Variants in PDE7B observed in about 807,000 individuals in gnomAD.
The protein encoded by PDE7B is phosphodiesterase 7B.
A neutral mutation model predicts 56.2 loss-of-function variants in PDE7B; 29 were observed. That is an observed-to-expected ratio of 0.52 (90% confidence interval 0.38 to 0.70). The LOEUF (loss-of-function observed/expected upper bound fraction) is 0.70, where lower values mean the gene tolerates loss of function less well. Ranked by LOEUF, PDE7B falls within the 30% of genes least tolerant of loss-of-function variation. PDE7B has a pLI of 0.00. For missense variants in PDE7B, 490 were observed against 565.0 expected, an observed-to-expected ratio of 0.87 and a Z score of 1.35; for synonymous variants, 197 against 196.9, an observed-to-expected ratio of 1.00 and a Z score of 0.00.
chr6:136,111,868 C>T (rs1434812849), intron 3 of PDE7B, among the ~76,000 whole-genome samples: 1 of 152,112 alleles, frequency 6.6e-6, no homozygotes, highest in African/African-American at 2.4e-5. Flanking sequence ...GGGCACAGAC[C>T]CCAAACTTCA....
intron 1 of PDE7B, among the ~76,000 whole-genome samples, chr6:135,890,495 T>C (rs1343799343): frequency 6.6e-6 from 1 of 152,210 alleles, no homozygotes; most frequent in Non-Finnish European, 1.5e-5. Flanking sequence ...ATAAGGAATA[T>C]GTGCACAGCT....
chr6:135,867,046 C>T (rs1463830952), intron 1 of PDE7B, among the ~76,000 whole-genome samples: 2 of 152,098 alleles, frequency 1.3e-5, no homozygotes, highest in African/African-American at 2.4e-5. Flanking sequence ...CTTTCGAGCA[C>T]AGGTGAACTT....
At chr6:136,120,975 A>G (rs922255882) in intron 3 of PDE7B, among the ~76,000 whole-genome samples, 3 of 152,210 alleles carry the variant, frequency 2.0e-5, no homozygotes, top group Non-Finnish European at 4.4e-5. Context: ...CTGAAAAACA[A>G]GAAAAATTAT....
intron 2 of PDE7B, among the ~76,000 whole-genome samples, chr6:136,041,504 G>T (rs1240412074): frequency 6.6e-6 from 1 of 152,200 alleles, no homozygotes; most frequent in Admixed American, 6.5e-5. Flanking sequence ...ATGCTCTGCC[G>T]ACTGTTGGGT....
In PDE7B at chr6:136,029,305, A is replaced by G. The variant is rs184162202; in HGVS notation, c.83-79426A>G. 2.7e-3 allele frequency among the ~76,000 whole-genome samples: 417 copies of G among 152,332 alleles called. 2 individuals carry two copies. The highest frequency in any genetic ancestry group is 9.3e-3 in the African/African-American group (388 of 41,572). ...CAAAGTTTGAAAGCAGGAAAAAAAA[A>G]GTAATAACAGCATTTAAAAGGCATT... On this transcript the variant is annotated intron_variant, in intron 2 of 12. Coordinates refer to ENST00000308191, the MANE Select transcript of PDE7B (RefSeq NM_018945.4).
At chr6:136,151,568 C>A (rs915148140) in intron 6 of PDE7B, among the ~76,000 whole-genome samples, 1 of 152,098 alleles carries the variant, frequency 6.6e-6, no homozygotes, top group Non-Finnish European at 1.5e-5. Context: ...TGACTGGAAG[C>A]CTTACCAATA....
In PDE7B at chr6:135,934,951, T is replaced by TAA. The variant is rs1273702824; in HGVS notation, c.22-12512_22-12511insAA. ...TATATTTAAATATATAATATATATTTATATATAATATATATATTTCTCTAT... is the reference window on the plus strand; with the variant it reads ...TATATTTAAATATATAATATATATTTAAATATATAATATATATATTTCTCTAT... On this transcript the variant is annotated intron_variant, in intron 1 of 12. Transcript: ENST00000308191. 2.0e-3 allele frequency among the ~76,000 whole-genome samples: 97 copies of TAA among 49,002 alleles called. 2 individuals carry two copies. Among genetic ancestry groups the TAA allele is most frequent in the Non-Finnish European group, 2.8e-3 (70 of 25,038 alleles). The allele number at this position is 49,002 out of a possible 152,430, so 32.1% of individuals were successfully genotyped here.
intron 1 of PDE7B, among the ~76,000 whole-genome samples, chr6:135,861,515 T>TTA (rs1491538467): frequency 1.1e-4 from 16 of 149,158 alleles, no homozygotes; most frequent in Admixed American, 4.0e-4. Context: ...TTATATATAC[T>TTA]TATATATATA....
intron 1 of PDE7B, among the ~76,000 whole-genome samples, chr6:135,916,219 T>TTTG (rs200105090): frequency 4.0e-5 from 6 of 148,628 alleles, no homozygotes; most frequent in East Asian, 1.9e-4. Context: ...TTTCTTCTGT[T>TTTG]TTGTTGTTGT....
chr6:135,982,229 G>A (rs1343181253), intron 2 of PDE7B, among the ~76,000 whole-genome samples: 1 of 152,130 alleles, frequency 6.6e-6, no homozygotes, highest in Non-Finnish European at 1.5e-5. Flanking sequence ...GTATTATAAG[G>A]ACCTACCGCT....
At chr6:135,975,059 C>A (rs1431913996) in intron 2 of PDE7B, among the ~76,000 whole-genome samples, 3 of 148,674 alleles carry the variant, frequency 2.0e-5, no homozygotes, top group Non-Finnish European at 4.4e-5. Flanking sequence ...GTGCCCCCAA[C>A]TAGAGCAGCA....
chr6:135,864,244 T>C (rs1032244938), intron 1 of PDE7B, among the ~76,000 whole-genome samples: 1 of 152,136 alleles, frequency 6.6e-6, no homozygotes, highest in Non-Finnish European at 1.5e-5. Flanking sequence ...GTATCCCTCC[T>C]AAATTATATG....
intron 2 of PDE7B, among the ~76,000 whole-genome samples, chr6:136,080,046 G>A (rs554530861): frequency 2.0e-4 from 31 of 152,216 alleles, no homozygotes; most frequent in African/African-American, 5.5e-4. Flanking sequence ...TAGATCTTAC[G>A]CTATCACGAG....
At chr6:136,124,353 A>G (rs1156881839) in intron 3 of PDE7B, among the ~76,000 whole-genome samples, 1 of 152,232 alleles carries the variant, frequency 6.6e-6, no homozygotes, top group African/African-American at 2.4e-5. Flanking sequence ...AAGATGAAAA[A>G]TATTTTTTAA....
chr6:136,116,951 T>A (rs1182494930), intron 3 of PDE7B: 1 of 152,176 alleles, frequency 6.6e-6, no homozygotes, highest in Non-Finnish European at 1.5e-5. Flanking sequence ...AACTCTAAAT[T>A]TTTCTCTGTG....
chr6:135,921,206 C>T (rs1774073858), intron 1 of PDE7B, among the ~76,000 whole-genome samples: 1 of 152,034 alleles, frequency 6.6e-6, no homozygotes. Flanking sequence ...TCACTTGTCT[C>T]GTGTGTCAGT....
chr6:136,103,212 A>G (rs1003999346), intron 2 of PDE7B, among the ~76,000 whole-genome samples: 1 of 152,164 alleles, frequency 6.6e-6, no homozygotes, highest in African/African-American at 2.4e-5. Flanking sequence ...GCCCAGTGTC[A>G]CTCAAGAAAG....
intron 1 of PDE7B, among the ~76,000 whole-genome samples, chr6:135,857,346 C>A (rs1363534136): frequency 1.3e-5 from 2 of 151,958 alleles, no homozygotes; most frequent in African/African-American, 4.8e-5. Flanking sequence ...AATATTCTTT[C>A]TACAAGATGA....
intron 2 of PDE7B, among the ~76,000 whole-genome samples, chr6:136,100,414 G>A (rs1777541287): frequency 6.6e-6 from 1 of 152,176 alleles, no homozygotes. Flanking sequence ...AGCATGGAAT[G>A]TTTTTCCATT....
Sources: gnomAD v4.1 joint callset for allele counts (sites outside exome capture counted in the v4.1 genomes callset) on GRCh38, gnomAD v4.1.1 for gene constraint, MANE v1.5 for transcripts, NCBI Gene and HGNC (gene_info 2026-07-23, HGNC 2026-07-21) for gene names.